Variants in GFRAL observed in about 807,000 individuals in gnomAD.
GFRAL encodes GDNF family receptor alpha like, also known as GDNF family receptor alpha-like.
In GFRAL, 36 loss-of-function variants were observed where a neutral mutation model predicts 45.4. The observed-to-expected ratio is 0.79, with a 90% CI of 0.61 to 1.05. The LOEUF (loss-of-function observed/expected upper bound fraction) is 1.05, where lower values mean the gene tolerates loss of function less well. GFRAL is among the 50% of genes least tolerant of loss of function. GFRAL has a pLI of 0.00. For missense variants in GFRAL, 507 were observed against 467.5 expected (o/e 1.08, Z -0.78); for synonymous variants, 166 against 154.1 (o/e 1.08, Z -0.57).
Position 55,333,799 on chromosome 6 carries a change from C to A in GFRAL, c.171C>A (p.Pro57=). The A allele has an allele frequency of 6.3e-7, 1 of 1,595,668 alleles. No individual in the cohort carries two copies. Among genetic ancestry groups the A allele is most frequent in the Non-Finnish European group, 8.5e-7 (1 of 1,171,804 alleles). Residue 57 remains proline (P), a synonymous_variant, in exon 3 of 9, where the codon CCC becomes CCA. Transcript: ENST00000340465. ...DACNDSDPGD[P]CKMRNSSYCN... ...TTTGATTGTGAGATCCAGGTGACCCCTGCAAGATGAGGAATTCATCATACT... is the reference window on the plus strand; with the variant it reads ...TTTGATTGTGAGATCCAGGTGACCCATGCAAGATGAGGAATTCATCATACT...
At chr6:55,395,291 G>C (rs923258624) in intron 6 of GFRAL, among the ~76,000 whole-genome samples, 1 of 151,278 alleles carries the variant, frequency 6.6e-6, no homozygotes, top group African/African-American at 2.4e-5. Context: ...TGGACAATCA[G>C]TGGTAATGTC....
chr6:55,372,421 T>C (rs2127360973), intron 6 of GFRAL, among the ~76,000 whole-genome samples: 1 of 152,326 alleles, frequency 6.6e-6, no homozygotes, highest in South Asian at 2.1e-4. Context: ...GATTGTGATA[T>C]AACAAATAAG....
At chr6:55,365,112 C>A (rs1347612131) in intron 6 of GFRAL, among the ~76,000 whole-genome samples, 3 of 151,482 alleles carry the variant, frequency 2.0e-5, no homozygotes, top group African/African-American at 7.3e-5. Context: ...TCTTTTATTT[C>A]CTTGAGGAGT....
At chr6:55,373,467 G>A (rs542447755) in intron 6 of GFRAL, among the ~76,000 whole-genome samples, 1 of 152,242 alleles carries the variant, frequency 6.6e-6, no homozygotes, top group South Asian at 2.1e-4. Context: ...TCTTAAAAAT[G>A]TGTTAGATTT....
intron 3 of GFRAL, among the ~76,000 whole-genome samples, chr6:55,341,619 TC>T (rs1767966590): frequency 6.6e-6 from 1 of 151,806 alleles, no homozygotes; most frequent in Non-Finnish European, 1.5e-5. Context: ...AGAGCAACTC[TC>T]CCCCTCCAAA....
intron 3 of GFRAL, among the ~76,000 whole-genome samples, chr6:55,348,795 G>C (rs1039344353): frequency 3.9e-5 from 6 of 152,088 alleles, no homozygotes; most frequent in African/African-American, 1.4e-4. Flanking sequence ...TAGGGGTAAT[G>C]AGAAAAACAT....
intron 5 of GFRAL, among the ~76,000 whole-genome samples, chr6:55,352,747 C>G (rs1230481511): frequency 6.6e-6 from 1 of 151,986 alleles, no homozygotes; most frequent in Non-Finnish European, 1.5e-5. Context: ...CCCTAGCACA[C>G]ATGTATGCTA....
chr6:55,357,376 A>T (rs1768208701), intron 5 of GFRAL, among the ~76,000 whole-genome samples: 1 of 151,732 alleles, frequency 6.6e-6, no homozygotes, highest in Non-Finnish European at 1.5e-5. Context: ...TACAATTGTT[A>T]TATCTTCTTG....
chr6:55,343,239 A>G (rs538577070), intron 3 of GFRAL, among the ~76,000 whole-genome samples: 1 of 152,312 alleles, frequency 6.6e-6, no homozygotes, highest in African/African-American at 2.4e-5. Context: ...TCTCAGCACC[A>G]TATCACACTT....
At chr6:55,384,043 GAT>G (rs1230919287) in intron 6 of GFRAL, among the ~76,000 whole-genome samples, 2 of 152,136 alleles carry the variant, frequency 1.3e-5, no homozygotes, top group African/African-American at 4.8e-5. Context: ...TGGAACAAAA[GAT>G]CTCACTCATA....
At chr6:55,371,456 A>G (rs1242936617) in intron 6 of GFRAL, among the ~76,000 whole-genome samples, 1 of 151,916 alleles carries the variant, frequency 6.6e-6, no homozygotes, top group Non-Finnish European at 1.5e-5. Flanking sequence ...ACCACTTCCT[A>G]TAACATCTAG....
chr6:55,373,076 C>G (rs1014063723), intron 6 of GFRAL, among the ~76,000 whole-genome samples: 1 of 141,426 alleles, frequency 7.1e-6, no homozygotes, highest in Admixed American at 7.6e-5. Flanking sequence ...GTATCAGGGA[C>G]AGCAAAACCT....
chr6:55,353,984 C>T (rs755981138), intron 5 of GFRAL, among the ~76,000 whole-genome samples: 51 of 151,916 alleles, frequency 3.4e-4, no homozygotes, highest in Non-Finnish European at 6.2e-4. Flanking sequence ...CCAGCCAGGG[C>T]CAGGGGCACC....
intron 3 of GFRAL, among the ~76,000 whole-genome samples, chr6:55,339,471 A>T (rs2127351538): frequency 2.0e-5 from 3 of 152,308 alleles, no homozygotes; most frequent in African/African-American, 4.8e-5. Context: ...GTAGATAAAA[A>T]ACATAAAGGA....
In GFRAL at chr6:55,370,855, A is replaced by G. The variant is rs1013561894; in HGVS notation, c.952+11717A>G. On this transcript the variant is annotated intron_variant, in intron 6 of 8. Transcript: ENST00000340465. ...CTTTTGCTTTTGTTTTTGAAATTCA[A>G]TGAAATAATAAAGCACACAAGAGGT... 7.2e-5 allele frequency among the ~76,000 whole-genome samples: 11 copies of G among 152,300 alleles called. No individual in the cohort carries two copies. In the East Asian group the frequency reaches 1.2e-3, roughly 16 times the overall value.
At chr6:55,390,386 G>T (rs1768732972) in intron 6 of GFRAL, among the ~76,000 whole-genome samples, 1 of 152,190 alleles carries the variant, frequency 6.6e-6, no homozygotes, top group Non-Finnish European at 1.5e-5. Context: ...AGGCAGCTGG[G>T]TTCTGCTTCC....
intron 6 of GFRAL, among the ~76,000 whole-genome samples, chr6:55,383,502 G>A (rs910930922): frequency 2.6e-5 from 4 of 151,886 alleles, no homozygotes; most frequent in African/African-American, 7.3e-5. Flanking sequence ...TGTGTTACAC[G>A]TTGACTACAG....
chr6:55,365,483 A>G, intron 6 of GFRAL, among the ~76,000 whole-genome samples: 1 of 102,016 alleles, frequency 9.8e-6, no homozygotes, highest in Non-Finnish European at 2.0e-5. Flanking sequence ...TATGTTGAAT[A>G]GGAGTGGTGA....
chr6:55,371,677 A>G (rs1475881467), intron 6 of GFRAL, among the ~76,000 whole-genome samples: 1 of 152,208 alleles, frequency 6.6e-6, no homozygotes, highest in Non-Finnish European at 1.5e-5. Flanking sequence ...AATTTTATTA[A>G]ATGCTACTAT....
Sources: gnomAD v4.1 joint callset for allele counts (sites outside exome capture counted in the v4.1 genomes callset) on GRCh38, gnomAD v4.1.1 for gene constraint, MANE v1.5 for transcripts, NCBI Gene and HGNC (gene_info 2026-07-23, HGNC 2026-07-21) for gene names.